PCCA: variants seen among roughly 807,000 people sequenced by gnomAD.
PCCA encodes propionyl-CoA carboxylase subunit alpha.
In PCCA, 74 loss-of-function variants were observed where a neutral mutation model predicts 101.3. The ratio of observed to expected loss-of-function variants is 0.73; its 90% CI spans 0.61 to 0.89. The LOEUF (loss-of-function observed/expected upper bound fraction) is 0.89. PCCA is among the 40% of genes least tolerant of loss of function. The pLI is 0.00. For missense variants in PCCA, 891 were observed against 907.0 expected (o/e 0.98, Z 0.23); for synonymous variants, 294 against 313.6 (o/e 0.94, Z 0.66).
intron 19 of PCCA, among the ~76,000 whole-genome samples, chr13:100,378,397 A>T (rs988214853): frequency 2.0e-5 from 3 of 152,218 alleles, no homozygotes; most frequent in Non-Finnish European, 4.4e-5. Flanking sequence ...ACTATAATGT[A>T]TCATGGAAGA....
At position 100,225,391 on chromosome 13, in the gene PCCA, C is replaced by G. The variant is rs139522901; in HGVS notation, c.601-10451C>G. On this transcript the variant is annotated intron_variant, in intron 7 of 23. Coordinates refer to ENST00000376285, the MANE Select transcript of PCCA (RefSeq NM_000282.4). Reference sequence around the variant, plus strand: ...TGTTCGTTAAGAGGAAATAGTAATACCCGTTTACACCACAGAACAGAGTAT... The same window carrying G: ...TGTTCGTTAAGAGGAAATAGTAATAGCCGTTTACACCACAGAACAGAGTAT... 1.8e-3 allele frequency among the ~76,000 whole-genome samples: 270 copies of G among 152,274 alleles called. 2 individuals are homozygous for G. Among genetic ancestry groups the G allele is most frequent in the African/African-American group, 6.2e-3 (258 of 41,544 alleles).
At chr13:100,214,415 T>G (rs371774293) in intron 7 of PCCA, among the ~76,000 whole-genome samples, 166 of 151,092 alleles carry the variant, frequency 1.1e-3, no homozygotes, top group Admixed American at 4.0e-3. Flanking sequence ...AGTTGTTTTT[T>G]TGTGTGTGTG....
At chr13:100,396,252 T>C (rs1430096229) in intron 19 of PCCA, among the ~76,000 whole-genome samples, 16 of 152,154 alleles carry the variant, frequency 1.1e-4, no homozygotes, top group Admixed American at 1.0e-3. Flanking sequence ...TAAATACCAA[T>C]CCTGAACCTG....
At chr13:100,248,548 T>C (rs1369044908) in intron 8 of PCCA, among the ~76,000 whole-genome samples, 2 of 152,192 alleles carry the variant, frequency 1.3e-5, no homozygotes, top group African/African-American at 4.8e-5. Context: ...TCATGACATA[T>C]AATATTGAGC....
Position 100,394,784 on chromosome 13 carries a change from CTAA to C in PCCA, c.1746+26213_1746+26215del, listed in dbSNP as rs1438588803. 6.6e-6 allele frequency among the ~76,000 whole-genome samples: 1 copy of C among 152,194 alleles called. No homozygotes were observed. The highest frequency in any genetic ancestry group is 1.5e-5 in the Non-Finnish European group (1 of 68,040). On this transcript the variant is annotated intron_variant, in intron 19 of 23. Transcript: ENST00000376285. The surrounding 1 kb of genome is among the most constrained non-coding windows in gnomAD (Gnocchi z 4.3). Reference sequence around the variant, plus strand: ...GTTTTTTAAAAAATATGTCCTACTACTAATATTTTTTAAATTATCCCTAAACCT... The same window carrying C: ...GTTTTTTAAAAAATATGTCCTACTACTATTTTTTAAATTATCCCTAAACCT...
chr13:100,338,020 A>C (rs1235836381), intron 17 of PCCA, among the ~76,000 whole-genome samples: 1 of 152,216 alleles, frequency 6.6e-6, no homozygotes, highest in African/African-American at 2.4e-5. Flanking sequence ...CAGTTTGATA[A>C]ATATCAGTCC....
At chr13:100,517,297 C>G (rs1342553051) in intron 22 of PCCA, among the ~76,000 whole-genome samples, 1 of 152,152 alleles carries the variant, frequency 6.6e-6, no homozygotes, top group Non-Finnish European at 1.5e-5. Context: ...ATCAGCGCAG[C>G]CTTCTGGTTT....
intron 21 of PCCA, among the ~76,000 whole-genome samples, chr13:100,470,455 G>A (rs926398032): frequency 6.6e-6 from 1 of 152,004 alleles, no homozygotes; most frequent in African/African-American, 2.4e-5. Context: ...CACATTCCAT[G>A]TGCATCTTCT....
In PCCA at chr13:100,367,188, C is replaced by T. The variant is rs567534187; in HGVS notation, c.1644-1284C>T. Among the ~76,000 whole-genome samples, 11 of 152,208 alleles carry T rather than the reference C, an allele frequency of 7.2e-5. No individual in the cohort carries two copies. The East Asian group carries it at 1.7e-3, about 24-fold the overall frequency. ...ATTAAATTTTGTTACTTTAAAAAGT[C>T]GTGGGAAACATTTATATTCTAAAAA... On this transcript the variant is annotated intron_variant, in intron 18 of 23. Coordinates refer to ENST00000376285, the MANE Select transcript of PCCA (RefSeq NM_000282.4).
intron 21 of PCCA, among the ~76,000 whole-genome samples, chr13:100,508,385 G>C (rs562670495): frequency 2.9e-4 from 44 of 152,200 alleles, no homozygotes; most frequent in Admixed American, 1.3e-3. Flanking sequence ...GAGCCTCCTT[G>C]TGGCACATTC....
chr13:100,518,600 G>A (rs962315280), intron 22 of PCCA, among the ~76,000 whole-genome samples: 2 of 152,126 alleles, frequency 1.3e-5, no homozygotes, highest in South Asian at 2.1e-4. Flanking sequence ...TAGTTTTTCC[G>A]AACACGTGGA....
chr13:100,457,173 A>C (rs1187149043), intron 21 of PCCA, among the ~76,000 whole-genome samples: 1 of 152,204 alleles, frequency 6.6e-6, no homozygotes, highest in Non-Finnish European at 1.5e-5. Flanking sequence ...TAATGTTTAT[A>C]ATGATTGATA....
At chr13:100,469,911 C>T (rs960315594) in intron 21 of PCCA, among the ~76,000 whole-genome samples, 1 of 152,210 alleles carries the variant, frequency 6.6e-6, no homozygotes. Flanking sequence ...TCACCCCCTG[C>T]TGCATGTAAT....
At position 100,301,018 on chromosome 13, in the gene PCCA, A is replaced by G. The variant is rs182476095; in HGVS notation, c.1066-442A>G. Among the ~76,000 whole-genome samples, 7 of 152,350 alleles carry G rather than the reference A, an allele frequency of 4.6e-5. 1 individual carries two copies. The highest frequency in any genetic ancestry group is 1.3e-4 in the Admixed American group (2 of 15,300). On this transcript the variant is annotated intron_variant, in intron 12 of 23. Transcript: ENST00000376285. ...CTTGTCAGGACAGGTTAGTGAAAGC[A>G]TGCAAGTGGGTGAGACTTAGGGTGG...
At position 100,217,443 on chromosome 13, in the gene PCCA, CA is replaced by C. The variant is rs61099971; in HGVS notation, c.600+7993del. Among the ~76,000 whole-genome samples the C allele has an allele frequency of 5.4e-3, 724 of 135,054 alleles. 9 individuals carry two copies. Among genetic ancestry groups the C allele is most frequent in the African/African-American group, 0.017 (607 of 36,454 alleles). The allele number at this position is 135,054 out of a possible 152,430, so 88.6% of individuals were successfully genotyped here. On this transcript the variant is annotated intron_variant, in intron 7 of 23. Transcript: ENST00000376285. Reference sequence around the variant, plus strand: ...TGGGTGACAGAGCGAGACTCCATCTCAAAAAAAAAAAAATTAAATAGAAATT... The same window carrying C: ...TGGGTGACAGAGCGAGACTCCATCTCAAAAAAAAAAAATTAAATAGAAATT...
chr13:100,354,872 C>A (rs1290802146), intron 18 of PCCA, among the ~76,000 whole-genome samples: 1 of 152,146 alleles, frequency 6.6e-6, no homozygotes, highest in East Asian at 1.9e-4. Flanking sequence ...TTAGAAAGAA[C>A]TCAGGACCAG....
intron 4 of PCCA, among the ~76,000 whole-genome samples, chr13:100,123,241 G>C (rs1254114540): frequency 6.6e-6 from 1 of 152,084 alleles, no homozygotes; most frequent in Non-Finnish European, 1.5e-5. Flanking sequence ...TTTTAGTAGA[G>C]TTGGGGTTTC....
chr13:100,209,286 C>T (rs186255908), intron 6 of PCCA, 46 bp from the exon 7 acceptor site: 90 of 1,573,188 alleles, frequency 5.7e-5, no homozygotes, highest in Admixed American at 3.2e-4. Flanking sequence ...CCACATCATG[C>T]TCCGTAATGT....
At chr13:100,507,035 A>G (rs970907896) in intron 21 of PCCA, among the ~76,000 whole-genome samples, 2 of 152,232 alleles carry the variant, frequency 1.3e-5, no homozygotes, top group Non-Finnish European at 2.9e-5. Context: ...GAATAGAAAC[A>G]GCCTGTACTG....
Sources: gnomAD v4.1 joint callset for allele counts (sites outside exome capture counted in the v4.1 genomes callset) on GRCh38, gnomAD v4.1.1 for gene constraint, Gnocchi (gnomAD v3.1) non-coding constraint, MANE v1.5 for transcripts, NCBI Gene and HGNC (gene_info 2026-07-23, HGNC 2026-07-21) for gene names.